The following PAPOLA variants were observed in gnomAD, a reference collection of about 807,000 sequenced individuals.
PAPOLA encodes poly(A) polymerase alpha.
Under a neutral mutation model 100.6 loss-of-function variants are expected in PAPOLA, and 15 were observed. The ratio of observed to expected loss-of-function variants is 0.15; its 90% CI spans 0.10 to 0.23. The LOEUF (loss-of-function observed/expected upper bound fraction) is 0.23, where lower values mean the gene tolerates loss of function less well. Among genes scored for constraint, PAPOLA ranks in the 10% least tolerant of loss-of-function variants. The pLI is 1.00. For missense variants in PAPOLA, 533 were observed against 884.2 expected, an observed-to-expected ratio of 0.60 and a Z score of 5.04; for synonymous variants, 293 against 300.0, an observed-to-expected ratio of 0.98 and a Z score of 0.24.
chr14:96,557,532 C>T (rs1330990129), intron 19 of PAPOLA, among the ~76,000 whole-genome samples: 1 of 150,820 alleles, frequency 6.6e-6, no homozygotes, highest in Non-Finnish European at 1.5e-5. Flanking sequence ...TTGCAATTGC[C>T]CCAGAGATGA....
chr14:96,534,217 C>T lies in PAPOLA; in HGVS notation c.837-274C>T, dbSNP rs967630909. On this transcript the variant is annotated intron_variant, in intron 9 of 21. Transcript: ENST00000216277. ...GACACATCATTATCTTGGGATGGTA[C>T]TTCTTTATTTAAATAGTCCTTTAAA... 15 of 1,237,928 alleles carry T rather than the reference C, an allele frequency of 1.2e-5. No homozygotes were observed. In the South Asian group the frequency reaches 2.5e-4, roughly 21 times the overall value. 76.7% of individuals were successfully genotyped at this position (1,237,928 alleles called of 1,614,324 possible).
intron 19 of PAPOLA, among the ~76,000 whole-genome samples, chr14:96,557,170 C>G (rs948709709): frequency 2.0e-5 from 3 of 152,140 alleles, no homozygotes; most frequent in African/African-American, 7.2e-5. Flanking sequence ...CTCAGCCTCC[C>G]AAGTAGCTGG....
Position 96,565,636 on chromosome 14 carries a change from G to A in PAPOLA, c.*586G>A, listed in dbSNP as rs115504079. ...TTAAAAATGAAACGTCAACTCTAGG[G>A]TACATTTGACATTGAAAGAATAGTT... On this transcript the variant is annotated 3_prime_UTR_variant, in exon 22 of 22. Transcript: ENST00000216277. The A allele has an allele frequency of 9.9e-4, 394 of 396,264 alleles. 2 individuals are homozygous for A. Among genetic ancestry groups the A allele is most frequent in the African/African-American group, 7.4e-3 (362 of 48,648 alleles). The allele number at this position is 396,264 out of a possible 1,614,324, so 24.5% of individuals were successfully genotyped here. A position where few individuals can be genotyped will look rare whatever the true frequency, so the allele number is the denominator to read the frequency against.
chr14:96,504,405 G>C (rs139861274), intron 1 of PAPOLA: 1 of 152,358 alleles, frequency 6.6e-6, no homozygotes, highest in African/African-American at 2.4e-5. Flanking sequence ...GTTCAAGTGT[G>C]TAAAATGGAA....
intron 15 of PAPOLA, among the ~76,000 whole-genome samples, chr14:96,547,117 T>G (rs1197671575): frequency 6.6e-6 from 1 of 152,180 alleles, no homozygotes; most frequent in South Asian, 2.1e-4. Context: ...CCTACTGTAA[T>G]GTAGACCCTT....
intron 16 of PAPOLA, among the ~76,000 whole-genome samples, chr14:96,548,870 CAA>C (rs959672731): frequency 7.2e-5 from 11 of 151,988 alleles, no homozygotes; most frequent in Non-Finnish European, 1.5e-4. Flanking sequence ...TTTCTTAAAA[CAA>C]TATATTATGA....
intron 11 of PAPOLA, 118 bp from the exon 12 acceptor site, chr14:96,536,858 T>C (rs891629321): frequency 1.6e-4 from 102 of 635,762 alleles, no homozygotes; most frequent in Admixed American, 1.2e-3. Context: ...GCTAAAACTA[T>C]ATATGTTAAA....
chr14:96,540,891 C>CT (rs1443361396), intron 12 of PAPOLA, among the ~76,000 whole-genome samples: 6 of 152,074 alleles, frequency 3.9e-5, no homozygotes, highest in South Asian at 4.2e-4. Flanking sequence ...AACCATTTTT[C>CT]TTTTTTTTGT....
rs564649403 is a variant in PAPOLA at position 96,502,388 on chromosome 14, T to C, written c.-205T>C. On this transcript the variant is annotated 5_prime_UTR_variant, in exon 1 of 22. Transcript: ENST00000216277. ...TGGTGGCGTCAGCAGTTCTAGAACG[T>C]TGCTGTGGTAGCGCTCGGGCGCCAT... is the stretch of plus-strand genomic sequence containing the variant. 94 of 697,814 alleles carry C rather than the reference T, an allele frequency of 1.3e-4. No homozygotes were observed. The highest frequency in any genetic ancestry group is 4.7e-4 in the Middle Eastern group (2 of 4,246). The allele number at this position is 697,814 out of a possible 1,614,324, so 43.2% of individuals were successfully genotyped here.
intron 1 of PAPOLA, chr14:96,502,848 C>T (rs1896398917): frequency 4.7e-6 from 2 of 425,708 alleles, no homozygotes; most frequent in Non-Finnish European, 8.3e-6. Context: ...GGGGCCTTCC[C>T]CTTCCGGAAT....
At chr14:96,552,398 T>G in intron 16 of PAPOLA, 82 bp from the exon 17 acceptor site, 1 of 1,257,748 alleles carries the variant, frequency 8.0e-7, no homozygotes, top group South Asian at 1.3e-5. Flanking sequence ...GTAAAAATCA[T>G]ATATGTTAAG....
chr14:96,502,701 A>C, intron 1 of PAPOLA, 101 bp downstream of exon 1: 2 of 1,319,034 alleles, frequency 1.5e-6, no homozygotes, highest in South Asian at 1.5e-5. Flanking sequence ...CGCGAGCCCG[A>C]CCCTCCCCGC....
In PAPOLA at chr14:96,565,938, ATTTTC is replaced by A. The variant is rs1902237607; in HGVS notation, c.*891_*895del. On this transcript the variant is annotated 3_prime_UTR_variant, in exon 22 of 22. Transcript: ENST00000216277. ...ACTTCGTAAGAAACAAAATGCCAGT[ATTTTC>A]TTAAGCCATGATGTGAAACCAATGA... 2 of 398,454 alleles carry A rather than the reference ATTTTC, an allele frequency of 5.0e-6. No homozygotes were observed. The highest frequency in any genetic ancestry group is 8.9e-6 in the Non-Finnish European group (2 of 225,596). 24.7% of individuals were successfully genotyped at this position (398,454 alleles called of 1,614,324 possible).
intron 1 of PAPOLA, among the ~76,000 whole-genome samples, chr14:96,509,303 A>C (rs1471156450): frequency 6.6e-6 from 1 of 152,240 alleles, no homozygotes; most frequent in Non-Finnish European, 1.5e-5. Flanking sequence ...TGCCGAGATT[A>C]CAGGTGGCTC....
chr14:96,554,650 CAGAG>C (rs1180795000), intron 17 of PAPOLA, among the ~76,000 whole-genome samples: 1 of 152,002 alleles, frequency 6.6e-6, no homozygotes, highest in South Asian at 2.1e-4. Context: ...CAGATAGAGA[CAGAG>C]AGAGAAACCA....
chr14:96,560,500 A>G (rs1901750092), intron 19 of PAPOLA, 149 bp from the exon 20 acceptor site: 1 of 596,034 alleles, frequency 1.7e-6, no homozygotes, highest in Non-Finnish European at 3.0e-6. Context: ...AAACATTTTA[A>G]AAGAGGGACC....
At chr14:96,542,375 G>T in intron 13 of PAPOLA, 79 bp downstream of exon 13, 1 of 842,638 alleles carries the variant, frequency 1.2e-6, no homozygotes, top group South Asian at 1.5e-5. Context: ...TAGGAGATGG[G>T]AGGAAGTCCT....
intron 10 of PAPOLA, chr14:96,535,519 T>G: frequency 1.0e-6 from 1 of 990,914 alleles, no homozygotes; most frequent in Non-Finnish European, 1.2e-6. Context: ...TACAAAACAT[T>G]GTAGCATGAC....
At chr14:96,516,603 C>T (rs772921695) in intron 1 of PAPOLA, among the ~76,000 whole-genome samples, 4 of 152,126 alleles carry the variant, frequency 2.6e-5, no homozygotes, top group African/African-American at 4.8e-5. Flanking sequence ...CCTCCCTAAG[C>T]ATTGGGATTA....
Sources: gnomAD v4.1 joint callset for allele counts (sites outside exome capture counted in the v4.1 genomes callset) on GRCh38, gnomAD v4.1.1 for gene constraint, MANE v1.5 for transcripts, NCBI Gene and HGNC (gene_info 2026-07-23, HGNC 2026-07-21) for gene names.